JADE2: variants seen among roughly 807,000 people sequenced by gnomAD.
The protein encoded by JADE2 is jade family PHD finger 2.
In JADE2, 13 loss-of-function variants were observed where a neutral mutation model predicts 85.7. The ratio of observed to expected loss-of-function variants is 0.15; its 90% CI spans 0.10 to 0.24. The LOEUF is 0.24. Ranked by LOEUF, JADE2 falls within the 10% of genes least tolerant of loss-of-function variation. JADE2 has a pLI of 1.00. For missense variants in JADE2, 846 were observed against 1,115.9 expected (o/e 0.76, Z 3.45); for synonymous variants, 440 against 456.1 (o/e 0.96, Z 0.45).
intron 7 of JADE2, 157 bp from the exon 8 acceptor site, chr5:134,564,337 A>G: frequency 1.8e-6 from 1 of 547,156 alleles, no homozygotes; most frequent in South Asian, 2.4e-5. Context: ...CCTTTGAGCC[A>G]TGCTTGTTTG....
Position 134,583,113 on chromosome 5 carries a change from C to T in JADE2, c.*3796C>T, listed in dbSNP as rs1764785931. On this transcript the variant is annotated 3_prime_UTR_variant, in exon 12 of 12. Coordinates refer to ENST00000681547, the MANE Select transcript of JADE2 (RefSeq NM_001388185.1). ...TGCATAGTTCCCAGCCCCATCCTGTCCTGCTCACTCATGGGGGCTTCCAGA... is the reference window on the plus strand; with the variant it reads ...TGCATAGTTCCCAGCCCCATCCTGTTCTGCTCACTCATGGGGGCTTCCAGA... 6.5e-6 allele frequency: 1 copy of T among 152,710 alleles called. No homozygotes were observed. The highest frequency in any genetic ancestry group is 2.1e-4 in the South Asian group (1 of 4,838). 9.5% of individuals were successfully genotyped at this position (152,710 alleles called of 1,614,324 possible).
chr5:134,562,562 C>G lies in JADE2; in HGVS notation c.852+195C>G, dbSNP rs6898802. ...CCGAGGTGGGTGGATCACCTGAGTT[C>G]AGGCATTCAAGACCAGCCTGGCCAA... On this transcript the variant is annotated intron_variant, in intron 7 of 11. Transcript: ENST00000681547. This position sits in a 1 kb window ranked among gnomAD's most constrained non-coding sequence, Gnocchi z 4.6. 0.069 allele frequency among the ~76,000 whole-genome samples: 10,466 copies of G among 152,078 alleles called. 660 individuals are homozygous for G. Among genetic ancestry groups the G allele is most frequent in the South Asian group, 0.24 (1,166 of 4,820 alleles).
At chr5:134,557,507 T>C (rs1372724283) in intron 4 of JADE2, among the ~76,000 whole-genome samples, 2 of 126,132 alleles carry the variant, frequency 1.6e-5, no homozygotes, top group East Asian at 2.3e-4. Context: ...ATTAGGTATA[T>C]CTCCCAATGC....
In JADE2 at chr5:134,580,264, G is replaced by A. The variant is rs1764637576; in HGVS notation, c.*947G>A. 1 of 152,732 alleles carries A rather than the reference G, an allele frequency of 6.5e-6. No individual in the cohort carries two copies. Among genetic ancestry groups the A allele is most frequent in the Non-Finnish European group, 1.5e-5 (1 of 68,092 alleles). The allele number at this position is 152,732 out of a possible 1,614,324, so 9.5% of individuals were successfully genotyped here. The stretch of plus-strand genomic sequence containing the variant: ...TTGCCTTTTCAAGTTTCCTAGTCCT[G>A]CTACAAGATGAGCTTCTTCCGTGGT... On this transcript the variant is annotated 3_prime_UTR_variant, in exon 12 of 12. Transcript: ENST00000681547.
rs751161699 is a variant in JADE2, at chr5:134,559,908, T to C, written c.390T>C (p.Asp130=). 1.2e-6 allele frequency: 2 copies of C among 1,613,904 alleles called. No individual in the cohort carries two copies. Among genetic ancestry groups the C allele is most frequent in the African/African-American group, 1.3e-5 (1 of 74,950 alleles). The part of the protein sequence containing the change: ...STMLGEGSQP[D]WPGGSRYDLD... Reference sequence around the variant, plus strand: ...TGCTTGGTGAGGGCTCCCAGCCTGATTGGCCAGGGGGCAGCCGCTATGACT... The same window carrying C: ...TGCTTGGTGAGGGCTCCCAGCCTGACTGGCCAGGGGGCAGCCGCTATGACT... The change falls in exon 5 of 12, where the codon GAT becomes GAC. Residue 130 remains aspartate, a synonymous_variant. Transcript: ENST00000681547.
Position 134,578,461 on chromosome 5 carries a change from C to G in JADE2, c.1682-33C>G. 2 of 1,497,902 alleles carry G rather than the reference C, an allele frequency of 1.3e-6. No homozygotes were observed. Among genetic ancestry groups the G allele is most frequent in the Non-Finnish European group, 1.8e-6 (2 of 1,100,044 alleles). 92.8% of individuals were successfully genotyped at this position (1,497,902 alleles called of 1,614,324 possible). ...CCTGAAAGGGTGGGACACACGTCTG[C>G]TGGCGTCTCACTTGCCTCCTCTCTC... On this transcript the variant is annotated intron_variant, in intron 11 of 11. Transcript: ENST00000681547. This position sits in a 1 kb window ranked among gnomAD's most constrained non-coding sequence, Gnocchi z 4.4.
At chr5:134,574,154 G>A (rs1043270706) in intron 10 of JADE2, 1 of 314,028 alleles carries the variant, frequency 3.2e-6, no homozygotes, top group African/African-American at 2.2e-5. Flanking sequence ...GGTGTGCCTG[G>A]GAGTCAGTTC....
intron 4 of JADE2, among the ~76,000 whole-genome samples, chr5:134,553,021 TCTCA>T (rs1489083175): frequency 1.8e-5 from 2 of 110,576 alleles, no homozygotes; most frequent in African/African-American, 7.1e-5. Context: ...TCTGACAAGG[TCTCA>T]CTCTGTTACC....
intron 2 of JADE2, among the ~76,000 whole-genome samples, 183 bp from the exon 3 acceptor site, chr5:134,537,806 C>T (rs1055951126): frequency 6.6e-6 from 1 of 152,108 alleles, no homozygotes; most frequent in African/African-American, 2.4e-5. Flanking sequence ...GTAGAGGAGG[C>T]TTCATGTCCC....
At chr5:134,574,667 C>T (rs1438760360) in intron 10 of JADE2, 3 of 152,414 alleles carry the variant, frequency 2.0e-5, no homozygotes, top group African/African-American at 7.2e-5. Context: ...CTGGCCCCAA[C>T]ATCTAGCCTT....
At chr5:134,551,881 G>A (rs1165648802) in intron 3 of JADE2, among the ~76,000 whole-genome samples, 171 bp from the exon 4 acceptor site, 5 of 152,202 alleles carry the variant, frequency 3.3e-5, no homozygotes, top group African/African-American at 7.2e-5. Flanking sequence ...AACATGTGCA[G>A]AGTTCAGAGC....
At chr5:134,565,896 A>T (rs1763611297) in intron 8 of JADE2, among the ~76,000 whole-genome samples, 1 of 150,294 alleles carries the variant, frequency 6.7e-6, no homozygotes, top group Non-Finnish European at 1.5e-5. Context: ...TCCCCAAAGC[A>T]TGTGGTGTTG....
At chr5:134,568,215 C>T (rs997736130) in intron 9 of JADE2, among the ~76,000 whole-genome samples, 25 of 152,192 alleles carry the variant, frequency 1.6e-4, no homozygotes, top group African/African-American at 6.0e-4. Context: ...TGAGGAAGAT[C>T]CTCCCAGCCC....
At chr5:134,565,199 G>A (rs1763562693) in intron 8 of JADE2, among the ~76,000 whole-genome samples, 1 of 152,230 alleles carries the variant, frequency 6.6e-6, no homozygotes, top group South Asian at 2.1e-4. Context: ...GTTTGGGAGT[G>A]CAGGGGGGAG....
intron 2 of JADE2, among the ~76,000 whole-genome samples, chr5:134,536,961 T>G (rs1761630016): frequency 6.6e-6 from 1 of 152,182 alleles, no homozygotes; most frequent in African/African-American, 2.4e-5. Flanking sequence ...CATCCCTACC[T>G]CCAAGTCTCA....
chr5:134,579,126 G>A lies in JADE2; in HGVS notation c.2314G>A (p.Gly772Arg). The A allele has an allele frequency of 6.2e-7, 1 of 1,614,222 alleles. No individual in the cohort carries two copies. Among genetic ancestry groups the A allele is most frequent in the Non-Finnish European group, 8.5e-7 (1 of 1,180,036 alleles). ...RRLPGARPDA[G>R]MGPPSAVAER... ...ATTGCCGGGTGCCAGGCCTGATGCT[G>A]GGATGGGACCACCTTCAGCTGTGGC... Residue 772 changes from glycine to arginine, a missense_variant, in exon 12 of 12, where the codon GGG becomes AGG. Physicochemically the swap from Gly to Arg is moderately radical, Grantham distance 125. Around this residue, in one of 9 missense-constraint regions of JADE2, gnomAD observed 300 missense variants for 300.7 expected, o/e 1.00. Coordinates refer to ENST00000681547, the MANE Select transcript of JADE2 (RefSeq NM_001388185.1). This position sits in a 1 kb window ranked among gnomAD's most constrained non-coding sequence, Gnocchi z 4.6.
chr5:134,542,597 A>G (rs984591869), intron 3 of JADE2, among the ~76,000 whole-genome samples: 4 of 151,750 alleles, frequency 2.6e-5, no homozygotes, highest in African/African-American at 9.7e-5. Flanking sequence ...ATGTGCCACC[A>G]CGTCCAGCTA....
At chr5:134,546,237 CA>C (rs1426565627) in intron 3 of JADE2, among the ~76,000 whole-genome samples, 1 of 152,062 alleles carries the variant, frequency 6.6e-6, no homozygotes, top group African/African-American at 2.4e-5. Flanking sequence ...GGCATGATCT[CA>C]GCTCACTGCA....
intron 3 of JADE2, among the ~76,000 whole-genome samples, chr5:134,539,915 G>A (rs532749906): frequency 6.6e-6 from 1 of 152,316 alleles, no homozygotes; most frequent in African/African-American, 2.4e-5. Flanking sequence ...GGGAGGTGGG[G>A]CTGGGATTCT....
Sources: gnomAD v4.1 joint callset for allele counts (sites outside exome capture counted in the v4.1 genomes callset) on GRCh38, gnomAD v4.1.1 for gene constraint, gnomAD v4.1.1 regional missense constraint, Gnocchi (gnomAD v3.1) non-coding constraint, MANE v1.5 for transcripts, NCBI Gene and HGNC (gene_info 2026-07-23, HGNC 2026-07-21) for gene names.